DTNA: variants seen among roughly 807,000 people sequenced by gnomAD.
DTNA encodes dystrobrevin alpha, also known as dystrophin-related protein 3.
Under a neutral mutation model 100.7 loss-of-function variants are expected in DTNA, and 43 were observed. The ratio of observed to expected loss-of-function variants is 0.43; its 90% CI spans 0.33 to 0.55. DTNA has a LOEUF of 0.55. Ranked by LOEUF, DTNA falls within the 20% of genes least tolerant of loss-of-function variation. DTNA has a pLI of 0.04. For missense variants in DTNA, 798 were observed against 953.9 expected (o/e 0.84, Z 2.15); for synonymous variants, 349 against 347.9 (o/e 1.00, Z -0.04).
chr18:34,526,559 T>A (rs1020038859), intron 1 of DTNA, among the ~76,000 whole-genome samples: 6 of 152,116 alleles, frequency 3.9e-5, no homozygotes, highest in Non-Finnish European at 8.8e-5. Flanking sequence ...TTACTGTTAT[T>A]AGAATTAATG....
At chr18:34,742,827 A>C (rs1452898240) in intron 1 of DTNA, among the ~76,000 whole-genome samples, 3 of 152,096 alleles carry the variant, frequency 2.0e-5, no homozygotes, top group African/African-American at 7.2e-5. Context: ...GGAAGCACTT[A>C]ATAAATGTTT....
chr18:34,693,909 C>G (rs2080145995), intron 1 of DTNA, among the ~76,000 whole-genome samples: 1 of 151,984 alleles, frequency 6.6e-6, no homozygotes, highest in South Asian at 2.1e-4. Context: ...TTTATATTTA[C>G]TTTTTTTAAA....
At chr18:34,765,249 TAAGTTAGG>T (rs1227577704) in intron 2 of DTNA, among the ~76,000 whole-genome samples, 1 of 152,196 alleles carries the variant, frequency 6.6e-6, no homozygotes, top group African/African-American at 2.4e-5. Context: ...GTGTTCCCTC[TAAGTTAGG>T]AAGGAACTGG....
chr18:34,755,413 C>T lies in DTNA; in HGVS notation c.-1-563C>T, dbSNP rs2092705423. On this transcript the variant is annotated intron_variant, in intron 1 of 22. Transcript: ENST00000444659. The stretch of plus-strand genomic sequence containing the variant: ...AAGTTGTTATATACAGGAACTGTTG[C>T]AAGTTCCAAACACTCAACTTAGAAA... 3.8e-5 allele frequency: 6 copies of T among 157,346 alleles called. No individual in the cohort carries two copies. In the South Asian group the frequency reaches 1.1e-3, roughly 30 times the overall value. 9.7% of individuals were successfully genotyped at this position (157,346 alleles called of 1,614,324 possible).
intron 1 of DTNA, among the ~76,000 whole-genome samples, chr18:34,551,613 A>C (rs1408833158): frequency 3.9e-5 from 6 of 152,140 alleles, no homozygotes; most frequent in African/African-American, 1.4e-4. Context: ...TGAGGTCCCT[A>C]GCAGCCTGTC....
At chr18:34,866,032 T>C in intron 17 of DTNA, 1 of 1,515,754 alleles carries the variant, frequency 6.6e-7, no homozygotes, top group South Asian at 1.1e-5. Context: ...TTTCCCCATC[T>C]TGCGTTCCTT....
intron 1 of DTNA, among the ~76,000 whole-genome samples, chr18:34,539,371 T>TAC (rs986162633): frequency 3.3e-5 from 5 of 151,994 alleles, no homozygotes; most frequent in African/African-American, 1.2e-4. Flanking sequence ...TTCTTAAAGT[T>TAC]AAACTGAAAA....
At chr18:34,767,704 C>T (rs1161261257) in intron 3 of DTNA, 1 of 113,370 alleles carries the variant, frequency 8.8e-6, no homozygotes, top group Non-Finnish European at 2.0e-5. Context: ...AAGGCCACCT[C>T]ACTCCTGTGA....
intron 1 of DTNA, among the ~76,000 whole-genome samples, chr18:34,615,908 A>G (rs945496724): frequency 3.8e-4 from 58 of 152,276 alleles, no homozygotes; most frequent in Admixed American, 1.3e-4. Context: ...TTGCTGCTGA[A>G]GGCATTGTCT....
intron 1 of DTNA, among the ~76,000 whole-genome samples, chr18:34,604,784 C>T (rs1176435898): frequency 6.6e-6 from 1 of 152,100 alleles, no homozygotes; most frequent in East Asian, 1.9e-4. Context: ...GTGCAAGTTA[C>T]ATTACATTTT....
intron 1 of DTNA, among the ~76,000 whole-genome samples, chr18:34,720,187 A>G (rs1230981388): frequency 1.3e-5 from 2 of 152,118 alleles, no homozygotes; most frequent in African/African-American, 4.8e-5. Flanking sequence ...GCAGAACCCA[A>G]CCAGACTCTA....
At chr18:34,637,789 T>G (rs1276919224) in intron 1 of DTNA, among the ~76,000 whole-genome samples, 1 of 152,192 alleles carries the variant, frequency 6.6e-6, no homozygotes, top group Non-Finnish European at 1.5e-5. Context: ...ATACTCTCCA[T>G]AGAAAGGGAA....
chr18:34,720,684 C>T (rs1481838982), intron 1 of DTNA, among the ~76,000 whole-genome samples: 2 of 152,112 alleles, frequency 1.3e-5, no homozygotes. Context: ...TGTGCCAGGC[C>T]GACCACCCAA....
chr18:34,867,674 C>G (rs1057250386), intron 17 of DTNA: 1 of 987,670 alleles, frequency 1.0e-6, no homozygotes, highest in Non-Finnish European at 1.2e-6. Flanking sequence ...TTAGCCATTT[C>G]CCTTGGGGAT....
At chr18:34,690,238 G>A (rs1181189633) in intron 1 of DTNA, among the ~76,000 whole-genome samples, 2 of 152,134 alleles carry the variant, frequency 1.3e-5, no homozygotes, top group East Asian at 1.9e-4. Context: ...CCAAATGGCC[G>A]CCTCATTTTG....
chr18:34,504,202 A>T (rs1021692611), intron 1 of DTNA: 2 of 151,866 alleles, frequency 1.3e-5, no homozygotes, highest in Admixed American at 6.6e-5. Context: ...CACTCTAAGT[A>T]TTACATCATA....
At chr18:34,579,967 A>G (rs962289350) in intron 1 of DTNA, among the ~76,000 whole-genome samples, 1 of 151,980 alleles carries the variant, frequency 6.6e-6, no homozygotes, top group African/African-American at 2.4e-5. Flanking sequence ...ATCATTAGAT[A>G]TTTTGTTACA....
Position 34,891,266 on chromosome 18 carries a change from T to TTGTGTG in DTNA, c.*3552_*3557dup, listed in dbSNP as rs3081492. On this transcript the variant is annotated 3_prime_UTR_variant, in exon 23 of 23. Transcript: ENST00000444659. ...TTTTGTATTGCTGTTAAGTATTGTT[T>TTGTGTG]TGTGTGTGTGTGTGTGTGTGTGTGT... 6.7e-6 allele frequency: 1 copy of TTGTGTG among 150,086 alleles called. No individual in the cohort carries two copies. Among genetic ancestry groups the TTGTGTG allele is most frequent in the Non-Finnish European group, 1.5e-5 (1 of 67,180 alleles). 9.3% of individuals were successfully genotyped at this position (150,086 alleles called of 1,614,324 possible).
chr18:34,759,447 C>T (rs1011988554), intron 2 of DTNA, among the ~76,000 whole-genome samples: 4 of 152,142 alleles, frequency 2.6e-5, no homozygotes, highest in Non-Finnish European at 4.4e-5. Context: ...CAAATCCATT[C>T]CCCTTAGATG....
Sources: allele counts gnomAD v4.1 joint callset (sites outside exome capture counted in the v4.1 genomes callset), GRCh38; gene constraint gnomAD v4.1.1; transcripts MANE v1.5; gene names NCBI Gene and HGNC (gene_info 2026-07-23, HGNC 2026-07-21).